Variants in BMP5 observed in about 807,000 individuals in gnomAD.
BMP5 encodes bone morphogenetic protein 5.
BMP5 carries 23 observed loss-of-function variants against 46.6 expected under a neutral mutation model. That is an observed-to-expected ratio of 0.49 (90% confidence interval 0.35 to 0.70). The LOEUF (loss-of-function observed/expected upper bound fraction) is 0.70, where lower values mean the gene tolerates loss of function less well. BMP5 is among the 30% of genes least tolerant of loss of function. BMP5 has a pLI of 0.00. For missense variants in BMP5, 545 were observed against 565.6 expected, an observed-to-expected ratio of 0.96 and a Z score of 0.37; for synonymous variants, 204 against 191.9, an observed-to-expected ratio of 1.06 and a Z score of -0.52.
Position 55,874,624 on chromosome 6 carries a change from A to G in BMP5, c.242T>C (p.Met81Thr), listed in dbSNP as rs774978962. The part of the protein sequence containing the change: ...GKQASSAPLF[M>T]LDLYNAMTNE... ...GGTCATGGCATTGTAGAGATCCAGC[A>G]TAAAGAGAGGTGCAGAGGACGCTTG... Residue 81 changes from methionine to threonine, a missense_variant, in exon 1 of 7, where the codon ATG becomes ACG. Coordinates refer to ENST00000370830, the MANE Select transcript of BMP5 (RefSeq NM_021073.4). 1.9e-6 allele frequency: 3 copies of G among 1,613,640 alleles called. No individual in the cohort carries two copies. Among genetic ancestry groups the G allele is most frequent in the Non-Finnish European group, 8.5e-7 (1 of 1,179,718 alleles).
At chr6:55,867,105 T>C (rs532371933) in intron 1 of BMP5, among the ~76,000 whole-genome samples, 1 of 152,276 alleles carries the variant, frequency 6.6e-6, no homozygotes, top group East Asian at 1.9e-4. Flanking sequence ...GACTAACTTT[T>C]AGGAACTGCA....
chr6:55,812,099 A>G (rs1776150556), intron 2 of BMP5, among the ~76,000 whole-genome samples: 1 of 152,202 alleles, frequency 6.6e-6, no homozygotes, highest in African/African-American at 2.4e-5. Context: ...CTCCTTTCCC[A>G]ATAATGCCAG....
intron 4 of BMP5, 67 bp downstream of exon 4, chr6:55,773,982 C>T (rs13213031): frequency 5.2e-6 from 8 of 1,536,628 alleles, no homozygotes; most frequent in Non-Finnish European, 7.2e-6. Flanking sequence ...TTTATTGTGG[C>T]TACTTGATTT....
At chr6:55,820,237 G>A (rs1031527801) in intron 1 of BMP5, among the ~76,000 whole-genome samples, 5 of 152,136 alleles carry the variant, frequency 3.3e-5, no homozygotes, top group African/African-American at 1.2e-4. Flanking sequence ...TGGAGAGACA[G>A]CACAGCCATG....
chr6:55,825,821 C>T (rs929031924), intron 1 of BMP5, among the ~76,000 whole-genome samples: 2 of 151,798 alleles, frequency 1.3e-5, no homozygotes, highest in African/African-American at 2.4e-5. Context: ...CACACAAGAG[C>T]TGTAACTTGG....
intron 3 of BMP5, 77 bp downstream of exon 3, chr6:55,794,202 T>C: frequency 1.4e-6 from 2 of 1,480,648 alleles, no homozygotes; most frequent in Admixed American, 3.5e-5. Context: ...CATATATTGG[T>C]TATATCACAT....
chr6:55,776,361 C>G (rs1775171509), intron 3 of BMP5, among the ~76,000 whole-genome samples: 1 of 151,350 alleles, frequency 6.6e-6, no homozygotes. Context: ...TGACCCACTT[C>G]AATACATAAA....
intron 1 of BMP5, among the ~76,000 whole-genome samples, chr6:55,856,435 T>C (rs1236078284): frequency 6.6e-6 from 1 of 152,192 alleles, no homozygotes; most frequent in Admixed American, 6.5e-5. Context: ...AAGTTTAATG[T>C]TATCAAAAAA....
intron 4 of BMP5, among the ~76,000 whole-genome samples, chr6:55,766,848 T>C (rs1179278915): frequency 6.6e-6 from 1 of 152,006 alleles, no homozygotes; most frequent in African/African-American, 2.4e-5. Context: ...TAGAGCCATT[T>C]CATTTCTACA....
intron 2 of BMP5, among the ~76,000 whole-genome samples, chr6:55,816,695 T>C (rs1002201943): frequency 2.6e-5 from 4 of 152,198 alleles, no homozygotes; most frequent in Admixed American, 6.5e-5. Context: ...TTAAAGTGAG[T>C]TCTGCTGAAC....
intron 4 of BMP5, among the ~76,000 whole-genome samples, chr6:55,771,853 A>T (rs16887114): frequency 0.098 from 14,895 of 151,870 alleles, 1,080 homozygotes; most frequent in African/African-American, 0.2. Context: ...TGTAAAATCT[A>T]GTTACTATTA....
At chr6:55,827,458 T>A (rs572194486) in intron 1 of BMP5, among the ~76,000 whole-genome samples, 1 of 151,772 alleles carries the variant, frequency 6.6e-6, no homozygotes. Context: ...TTACTTGACA[T>A]CTTGTTTATA....
At chr6:55,809,495 A>C (rs1046579587) in intron 2 of BMP5, among the ~76,000 whole-genome samples, 1 of 152,178 alleles carries the variant, frequency 6.6e-6, no homozygotes, top group Non-Finnish European at 1.5e-5. Context: ...ACTTATAAAA[A>C]ATAAGTAAAA....
At chr6:55,794,602 G>C (rs1775661178) in intron 2 of BMP5, among the ~76,000 whole-genome samples, 175 bp from the exon 3 acceptor site, 1 of 152,128 alleles carries the variant, frequency 6.6e-6, no homozygotes, top group Non-Finnish European at 1.5e-5. Flanking sequence ...TTTGTTACTA[G>C]GCTCCCAACC....
rs373952586 is a variant in BMP5, at chr6:55,862,720, G to A, written c.490+11656C>T. 8.2e-4 allele frequency among the ~76,000 whole-genome samples: 124 copies of A among 151,968 alleles called. No individual in the cohort carries two copies. In the South Asian group the frequency reaches 0.013, roughly 16 times the overall value. On this transcript the variant is annotated intron_variant, in intron 1 of 6. Coordinates refer to ENST00000370830, the MANE Select transcript of BMP5 (RefSeq NM_021073.4). ...GTGTAAAATATAAAACCTTCTTTTC[G>A]GATATTTCCTTGAAAGTCACTGGAG...
intron 3 of BMP5, among the ~76,000 whole-genome samples, chr6:55,776,524 A>ATT (rs199517435): frequency 2.0e-5 from 3 of 149,372 alleles, no homozygotes; most frequent in Admixed American, 6.7e-5. Context: ...AAATTTTTTC[A>ATT]TTTTTTTTTT....
At chr6:55,860,708 GT>G (rs1392388020) in intron 1 of BMP5, among the ~76,000 whole-genome samples, 1 of 152,160 alleles carries the variant, frequency 6.6e-6, no homozygotes, top group African/African-American at 2.4e-5. Context: ...AGTTTTCAGT[GT>G]TTTAGCTAAA....
At chr6:55,764,364 A>G (rs113295422) in intron 4 of BMP5, among the ~76,000 whole-genome samples, 11,226 of 152,078 alleles carry the variant, frequency 0.074, 479 homozygotes, top group South Asian at 0.12. Context: ...ACGAGGTCAG[A>G]AGATCGACAC....
At chr6:55,803,839 A>T (rs988956609) in intron 2 of BMP5, among the ~76,000 whole-genome samples, 2 of 152,140 alleles carry the variant, frequency 1.3e-5, no homozygotes, top group Admixed American at 1.3e-4. Context: ...ATGGTTTCTA[A>T]TTTGTCCTTG....
Sources: gnomAD v4.1 joint callset for allele counts (sites outside exome capture counted in the v4.1 genomes callset) on GRCh38, gnomAD v4.1.1 for gene constraint, MANE v1.5 for transcripts, NCBI Gene and HGNC (gene_info 2026-07-23, HGNC 2026-07-21) for gene names.